The following CSMD3 variants were observed in gnomAD, a reference collection of about 807,000 sequenced individuals.
The protein encoded by CSMD3 is CUB and sushi domain-containing protein 3.
Under a neutral mutation model 435.2 loss-of-function variants are expected in CSMD3, and 177 were observed. That is an observed-to-expected ratio of 0.41 (90% CI 0.36 to 0.46). CSMD3 has a LOEUF of 0.46. Ranked by LOEUF, CSMD3 falls within the 20% of genes least tolerant of loss-of-function variation. The pLI is 0.34. For missense variants in CSMD3, 4,265 were observed against 4,504.6 expected (o/e 0.95, Z 1.52); for synonymous variants, 1,656 against 1,520.5 (o/e 1.09, Z -2.07).
At chr8:112,794,529 A>T (rs969558734) in intron 13 of CSMD3, among the ~76,000 whole-genome samples, 1 of 151,900 alleles carries the variant, frequency 6.6e-6, no homozygotes, top group Non-Finnish European at 1.5e-5. Flanking sequence ...TCCTGACTTC[A>T]GATGATCCAC....
At chr8:112,889,663 G>A (rs963602211) in intron 10 of CSMD3, among the ~76,000 whole-genome samples, 13 of 151,570 alleles carry the variant, frequency 8.6e-5, no homozygotes, top group South Asian at 2.1e-4. Context: ...GAACTTGGGC[G>A]GCGGTTATGT....
chr8:113,138,579 C>T (rs977757176), intron 4 of CSMD3, among the ~76,000 whole-genome samples: 5 of 151,126 alleles, frequency 3.3e-5, no homozygotes, highest in Non-Finnish European at 7.4e-5. Context: ...ATATTTACTG[C>T]AAATACAATT....
chr8:113,122,739 C>T (rs1372305186), intron 4 of CSMD3, among the ~76,000 whole-genome samples: 1 of 152,054 alleles, frequency 6.6e-6, no homozygotes, highest in Non-Finnish European at 1.5e-5. Flanking sequence ...TCTGATAACA[C>T]CTTGCTTTTA....
At chr8:112,335,789 C>T (rs1195085406) in intron 44 of CSMD3, among the ~76,000 whole-genome samples, 2 of 148,686 alleles carry the variant, frequency 1.3e-5, no homozygotes, top group Non-Finnish European at 3.0e-5. Flanking sequence ...TTGAGGTTTG[C>T]CCCTCTTTTA....
chr8:112,689,958 C>T lies in CSMD3; in HGVS notation c.2065G>A (p.Glu689Lys), dbSNP rs1264242327. The change falls in exon 14 of 71, where the codon GAA (glutamate) becomes AAA (lysine). Residue 689 changes from glutamate to lysine, a missense_variant. Physicochemically the swap from Glu to Lys is moderately conservative, Grantham distance 56. Around this residue, in one of 3 missense-constraint regions of CSMD3, gnomAD observed 279 missense variants for 369.0 expected, o/e 0.76. Coordinates refer to ENST00000297405, the MANE Select transcript of CSMD3 (RefSeq NM_198123.2). The stretch of plus-strand genomic sequence containing the variant: ...ATTAATTCAAACCCAAACTGGCATT[C>T]AAACCTTAAAACATCACGATTAGAA... ...GFSNRDVLRFECQFGFELIGE... is the reference protein window; with the variant it reads ...GFSNRDVLRFKCQFGFELIGE... 1 of 1,613,276 alleles carries T rather than the reference C, an allele frequency of 6.2e-7. No individual in the cohort carries two copies. Among genetic ancestry groups the T allele is most frequent in the East Asian group, 2.2e-5 (1 of 44,792 alleles).
chr8:112,913,019 C>T (rs751842943), intron 10 of CSMD3, among the ~76,000 whole-genome samples: 3 of 151,936 alleles, frequency 2.0e-5, no homozygotes, highest in African/African-American at 7.2e-5. Context: ...CCTTTGCCCA[C>T]GGGGCTCCCT....
rs559369382 is a variant in CSMD3, at chr8:112,678,939, T to C, written c.2677+3503A>G. On this transcript the variant is annotated intron_variant, in intron 16 of 70. Transcript: ENST00000297405. ...GCGATAGTGCCCCAAAGATGAACAA[T>C]AATAAATAATAAGAAAAATTTTATC... Among the ~76,000 whole-genome samples, 7 of 151,906 alleles carry C rather than the reference T, an allele frequency of 4.6e-5. No homozygotes were observed. The South Asian group carries it at 1.5e-3, about 32-fold the overall frequency.
intron 1 of CSMD3, among the ~76,000 whole-genome samples, chr8:113,436,224 C>A (rs1340416033): frequency 6.6e-6 from 1 of 152,162 alleles, no homozygotes; most frequent in African/African-American, 2.4e-5. Context: ...CATTTAAAAT[C>A]AACACATTCC....
At chr8:113,226,584 T>G (rs1271080841) in intron 3 of CSMD3, among the ~76,000 whole-genome samples, 1 of 151,562 alleles carries the variant, frequency 6.6e-6, no homozygotes, top group Non-Finnish European at 1.5e-5. Context: ...TGTTCTGCAA[T>G]GCCTTAGTGG....
At position 113,216,424 on chromosome 8, in the gene CSMD3, A is replaced by G. The variant is rs372963861; in HGVS notation, c.515-42508T>C. On this transcript the variant is annotated intron_variant, in intron 3 of 70. Coordinates refer to ENST00000297405, the MANE Select transcript of CSMD3 (RefSeq NM_198123.2). ...TGATATTGGTGAATTTGAACAAGGT[A>G]TGAGGTATGAGTGATGTTGTCAAGA... is the stretch of plus-strand genomic sequence containing the variant. Among the ~76,000 whole-genome samples, 13 of 152,026 alleles carry G rather than the reference A, an allele frequency of 8.6e-5. No individual in the cohort carries two copies. The East Asian group carries it at 1.7e-3, about 20-fold the overall frequency.
rs1417025949 is a variant in CSMD3 at position 112,703,158 on chromosome 8, C to T, written c.1973-13108G>A. Among the ~76,000 whole-genome samples, 10 of 152,118 alleles carry T rather than the reference C, an allele frequency of 6.6e-5. No homozygotes were observed. In the East Asian group the frequency reaches 1.7e-3, roughly 26 times the overall value. On this transcript the variant is annotated intron_variant, in intron 13 of 70. Transcript: ENST00000297405. ...GTTGCCTCCACTGTCAGCTAAATATCTGTGCATCATCCACAACTAAATTTG... is the reference window on the plus strand; with the variant it reads ...GTTGCCTCCACTGTCAGCTAAATATTTGTGCATCATCCACAACTAAATTTG...
intron 10 of CSMD3, among the ~76,000 whole-genome samples, chr8:112,898,919 T>A (rs925025555): frequency 1.3e-5 from 2 of 151,274 alleles, no homozygotes; most frequent in African/African-American, 4.8e-5. Context: ...TACTAATTTA[T>A]ACTGCTCTTA....
intron 10 of CSMD3, among the ~76,000 whole-genome samples, chr8:112,903,477 T>C (rs1467301292): frequency 1.3e-5 from 2 of 151,180 alleles, no homozygotes; most frequent in Non-Finnish European, 3.0e-5. Context: ...ACTAATTTCA[T>C]GGTGGCGAAG....
chr8:112,525,015 G>A (rs893109648), intron 27 of CSMD3, among the ~76,000 whole-genome samples: 3 of 150,830 alleles, frequency 2.0e-5, no homozygotes, highest in African/African-American at 4.9e-5. Flanking sequence ...TTAAACTGTC[G>A]GTAGCTCGAC....
At chr8:112,522,937 A>G (rs1015067196) in intron 27 of CSMD3, among the ~76,000 whole-genome samples, 2 of 151,954 alleles carry the variant, frequency 1.3e-5, no homozygotes, top group African/African-American at 4.8e-5. Flanking sequence ...TTCAACTGAA[A>G]TATGGATGAT....
chr8:112,869,324 T>C (rs112257012), intron 10 of CSMD3, among the ~76,000 whole-genome samples: 5,188 of 152,304 alleles, frequency 0.034, 150 homozygotes, highest in Middle Eastern at 0.051. Context: ...GAAAACTCTA[T>C]ATCTATGTCA....
chr8:112,235,788 C>T (rs1050517615), intron 67 of CSMD3, among the ~76,000 whole-genome samples: 2 of 151,916 alleles, frequency 1.3e-5, no homozygotes, highest in Admixed American at 1.3e-4. Flanking sequence ...TAAAAGTAAT[C>T]GATAATATTG....
intron 2 of CSMD3, among the ~76,000 whole-genome samples, chr8:113,286,093 C>T (rs1426889527): frequency 3.3e-5 from 5 of 151,924 alleles, no homozygotes; most frequent in African/African-American, 1.2e-4. Context: ...TTTGTCCCTA[C>T]TCCCACATAC....
At position 112,612,709 on chromosome 8, in the gene CSMD3, C is replaced by CTTTTTTTTTT. The variant is rs532290154; in HGVS notation, c.3715+24098_3715+24107dup. 1.8e-4 allele frequency among the ~76,000 whole-genome samples: 12 copies of CTTTTTTTTTT among 65,888 alleles called. 2 individuals carry two copies. The highest frequency in any genetic ancestry group is 4.9e-4 in the East Asian group (1 of 2,050). 43.2% of individuals were successfully genotyped at this position (65,888 alleles called of 152,430 possible). On this transcript the variant is annotated intron_variant, in intron 22 of 70. Coordinates refer to ENST00000297405, the MANE Select transcript of CSMD3 (RefSeq NM_198123.2). ...TTTCTGAACTCTTTCTTTCTTTGTT[C>CTTTTTTTTTT]TTTTTTTTTTTTTTTTTTTTTTTTT...
Sources: allele counts gnomAD v4.1 joint callset (sites outside exome capture counted in the v4.1 genomes callset), GRCh38; gene constraint gnomAD v4.1.1; regional missense constraint gnomAD v4.1.1; transcripts MANE v1.5; gene names NCBI Gene and HGNC (gene_info 2026-07-23, HGNC 2026-07-21).